COP1: variants seen among roughly 807,000 people sequenced by gnomAD.
The protein encoded by COP1 is COP1 E3 ubiquitin ligase, also known as E3 ubiquitin-protein ligase COP1.
In COP1, 24 loss-of-function variants were observed where a neutral mutation model predicts 101.3. The ratio of observed to expected loss-of-function variants is 0.24; its 90% confidence interval spans 0.17 to 0.33. The LOEUF (loss-of-function observed/expected upper bound fraction) is 0.33, where lower values mean the gene tolerates loss of function less well. Ranked by LOEUF, COP1 falls within the 10% of genes least tolerant of loss-of-function variation. The probability of loss-of-function intolerance (pLI) is 1.00; values close to 1 mark genes in which losing one functional copy is unlikely to be tolerated. For synonymous variants in COP1, 347 were observed against 341.9 expected (o/e 1.01, Z -0.17); for missense variants, 663 against 906.2 (o/e 0.73, Z 3.45).
intron 16 of COP1, 179 bp from the exon 17 acceptor site, chr1:175,988,591 G>A: frequency 2.0e-6 from 1 of 497,372 alleles, no homozygotes; most frequent in Non-Finnish European, 3.4e-6. Flanking sequence ...CAAGCAATTT[G>A]GTAGGCCGAG....
intron 15 of COP1, among the ~76,000 whole-genome samples, chr1:175,997,513 A>C (rs1190245066): frequency 6.6e-6 from 1 of 152,192 alleles, no homozygotes; most frequent in African/African-American, 2.4e-5. Flanking sequence ...ACAAAGGGCT[A>C]ATATCCAGAA....
At chr1:176,142,487 T>G (rs1690853858) in intron 6 of COP1, among the ~76,000 whole-genome samples, 1 of 152,010 alleles carries the variant, frequency 6.6e-6, no homozygotes, top group Non-Finnish European at 1.5e-5. Context: ...TAAAAGATAA[T>G]GAGACAGTAA....
rs140590774 is a variant in COP1 at position 176,013,679 on chromosome 1, A to C, written c.1729+13893T>G. On this transcript the variant is annotated intron_variant, in intron 15 of 19. Transcript: ENST00000367669. Reference sequence around the variant, plus strand: ...AAAATTAGACACAGAATTTTAACTGAAGTATGAGAAAATGTTTCATATATT... The same window carrying C: ...AAAATTAGACACAGAATTTTAACTGCAGTATGAGAAAATGTTTCATATATT... Among the ~76,000 whole-genome samples, 221 of 152,330 alleles carry C rather than the reference A, an allele frequency of 1.5e-3. 1 individual carries two copies. The East Asian group carries it at 0.021, about 14-fold the overall frequency.
At chr1:176,169,377 CAT>C (rs1695689935) in intron 3 of COP1, among the ~76,000 whole-genome samples, 3 of 151,988 alleles carry the variant, frequency 2.0e-5, no homozygotes, top group African/African-American at 7.2e-5. Context: ...ACATAGGAAA[CAT>C]ATTTAAGACT....
chr1:176,096,241 G>A (rs546701319), intron 9 of COP1, among the ~76,000 whole-genome samples: 17 of 152,150 alleles, frequency 1.1e-4, no homozygotes, highest in Middle Eastern at 3.2e-3. Flanking sequence ...TCGCTTCTGA[G>A]CCTTTTGGTC....
intron 15 of COP1, among the ~76,000 whole-genome samples, chr1:176,005,163 A>G (rs1662806228): frequency 6.6e-6 from 1 of 151,966 alleles, no homozygotes; most frequent in African/African-American, 2.4e-5. Context: ...GTATTCTCTG[A>G]TGGTAGTTTG....
At chr1:175,995,610 T>C (rs1659934471) in intron 15 of COP1, among the ~76,000 whole-genome samples, 1 of 152,190 alleles carries the variant, frequency 6.6e-6, no homozygotes, top group Non-Finnish European at 1.5e-5. Context: ...CAGAGAATAC[T>C]ACAAACACCT....
intron 1 of COP1, among the ~76,000 whole-genome samples, chr1:176,199,080 G>A (rs1217178365): frequency 6.6e-6 from 1 of 152,184 alleles, no homozygotes; most frequent in Non-Finnish European, 1.5e-5. Flanking sequence ...CACTTTGGGA[G>A]GCCGAGGCGT....
At chr1:176,122,710 T>A (rs1289022548) in intron 8 of COP1, among the ~76,000 whole-genome samples, 1 of 152,226 alleles carries the variant, frequency 6.6e-6, no homozygotes, top group African/African-American at 2.4e-5. Context: ...CTAATACTTA[T>A]ACCGCCTTTT....
intron 11 of COP1, among the ~76,000 whole-genome samples, chr1:176,060,238 A>G (rs184958759): frequency 1.3e-5 from 2 of 152,268 alleles, no homozygotes; most frequent in Admixed American, 1.3e-4. Flanking sequence ...TAAATACACT[A>G]CCTGATAGAC....
At chr1:176,057,983 C>T (rs1291350097) in intron 11 of COP1, among the ~76,000 whole-genome samples, 4 of 84,052 alleles carry the variant, frequency 4.8e-5, no homozygotes, top group Admixed American at 3.4e-4. Context: ...TCTGCCTGGC[C>T]GCCCCGTCTG....
At chr1:176,147,020 A>G (rs1266391540) in intron 6 of COP1, among the ~76,000 whole-genome samples, 1 of 152,228 alleles carries the variant, frequency 6.6e-6, no homozygotes, top group Non-Finnish European at 1.5e-5. Flanking sequence ...ATCAATGTCT[A>G]AAACTACACT....
At chr1:175,946,463 AAACTTTC>A (rs1480058233) in intron 19 of COP1, among the ~76,000 whole-genome samples, 1 of 152,216 alleles carries the variant, frequency 6.6e-6, no homozygotes, top group African/African-American at 2.4e-5. Context: ...TTATGTTAAA[AAACTTTC>A]AATATTTCTA....
At chr1:176,049,064 C>T (rs994225355) in intron 11 of COP1, among the ~76,000 whole-genome samples, 45 of 150,794 alleles carry the variant, frequency 3.0e-4, no homozygotes, top group African/African-American at 9.8e-4. Flanking sequence ...CCCAGCTACT[C>T]GGGAGGCTGA....
In COP1 at chr1:175,945,053, T is replaced by G; in HGVS notation, c.*100A>C. 2 of 922,854 alleles carry G rather than the reference T, an allele frequency of 2.2e-6. No individual in the cohort carries two copies. Among genetic ancestry groups the G allele is most frequent in the Non-Finnish European group, 3.4e-6 (2 of 580,996 alleles). 57.2% of individuals were successfully genotyped at this position (922,854 alleles called of 1,614,324 possible). A position where few individuals can be genotyped will look rare whatever the true frequency, so the allele number is the denominator to read the frequency against. ...AACAAATCCAAAACCCATGATGACT[T>G]TGGGGAGAGACATCACATGACATTT... is the stretch of plus-strand genomic sequence containing the variant. On this transcript the variant is annotated 3_prime_UTR_variant, in exon 20 of 20. Transcript: ENST00000367669.
At chr1:175,978,804 GAGA>G (rs1655150837) in intron 18 of COP1, among the ~76,000 whole-genome samples, 1 of 152,162 alleles carries the variant, frequency 6.6e-6, no homozygotes, top group African/African-American at 2.4e-5. Context: ...CAGAAAGAAA[GAGA>G]AGAAGCTTCT....
intron 5 of COP1, among the ~76,000 whole-genome samples, chr1:176,155,858 G>A (rs963464866): frequency 5.3e-5 from 8 of 151,874 alleles, no homozygotes; most frequent in Non-Finnish European, 1.2e-4. Flanking sequence ...TATCTTTAAA[G>A]TGTTTTAAAA....
chr1:176,109,509 A>G (rs1289643669), intron 9 of COP1, among the ~76,000 whole-genome samples: 1 of 152,126 alleles, frequency 6.6e-6, no homozygotes, highest in East Asian at 1.9e-4. Flanking sequence ...TTAATAGTTG[A>G]TGAGGTAAAT....
intron 7 of COP1, 115 bp downstream of exon 7, chr1:176,136,373 G>C: frequency 2.0e-6 from 1 of 505,912 alleles, no homozygotes; most frequent in Non-Finnish European, 3.5e-6. Flanking sequence ...AGTAACAGCT[G>C]TTACTTTCTT....
Sources: allele counts gnomAD v4.1 joint callset (sites outside exome capture counted in the v4.1 genomes callset), GRCh38; gene constraint gnomAD v4.1.1; transcripts MANE v1.5; gene names NCBI Gene and HGNC (gene_info 2026-07-23, HGNC 2026-07-21).